Variants in AUTS2 observed in about 807,000 individuals in gnomAD.
AUTS2 encodes activator of transcription and developmental regulator AUTS2.
AUTS2 carries 17 observed loss-of-function variants against 112.4 expected under a neutral mutation model. That is an observed-to-expected ratio of 0.15 (90% CI 0.10 to 0.23). The LOEUF (loss-of-function observed/expected upper bound fraction) is 0.23, where lower values mean the gene tolerates loss of function less well. AUTS2 is among the 10% of genes least tolerant of loss of function. The probability of loss-of-function intolerance (pLI) is 1.00; values close to 1 mark genes in which losing one functional copy is unlikely to be tolerated. For missense variants in AUTS2, 1,510 were observed against 1,701.6 expected (o/e 0.89, Z 1.98); for synonymous variants, 751 against 702.7 (o/e 1.07, Z -1.09).
At chr7:70,660,763 A>G (rs11767503) in intron 5 of AUTS2, among the ~76,000 whole-genome samples, 1 of 152,106 alleles carries the variant, frequency 6.6e-6, no homozygotes, top group Non-Finnish European at 1.5e-5. Flanking sequence ...GGGCTTTGTC[A>G]TGCTATCGTT....
chr7:70,618,074 A>C (rs1293182938), intron 5 of AUTS2, among the ~76,000 whole-genome samples: 1 of 152,192 alleles, frequency 6.6e-6, no homozygotes, highest in Non-Finnish European at 1.5e-5. Flanking sequence ...CTCTGAGAAA[A>C]ATGAGTCTGT....
intron 2 of AUTS2, among the ~76,000 whole-genome samples, chr7:70,062,170 A>C (rs1168139171): frequency 6.6e-6 from 1 of 151,684 alleles, no homozygotes; most frequent in Admixed American, 6.6e-5. Flanking sequence ...AAATATTCTT[A>C]TTGTTGTTTT....
At chr7:69,989,108 C>G (rs1267340361) in intron 2 of AUTS2, among the ~76,000 whole-genome samples, 2 of 152,098 alleles carry the variant, frequency 1.3e-5, no homozygotes, top group African/African-American at 2.4e-5. Flanking sequence ...TGTTCATGGT[C>G]CTGTGGTCCC....
At chr7:70,345,736 T>C (rs897301880) in intron 4 of AUTS2, among the ~76,000 whole-genome samples, 1 of 152,218 alleles carries the variant, frequency 6.6e-6, no homozygotes, top group Non-Finnish European at 1.5e-5. Flanking sequence ...GCCAAGACTC[T>C]CATGACTTTC....
At chr7:70,417,153 A>T (rs1175253762) in intron 4 of AUTS2, among the ~76,000 whole-genome samples, 3 of 152,124 alleles carry the variant, frequency 2.0e-5, no homozygotes, top group South Asian at 2.1e-4. Context: ...CACATTTCCA[A>T]TGATTAAAAT....
chr7:69,862,712 G>T (rs1158187555), intron 1 of AUTS2, among the ~76,000 whole-genome samples: 2 of 152,076 alleles, frequency 1.3e-5, no homozygotes, highest in Admixed American at 6.5e-5. Flanking sequence ...AGATGGGCTG[G>T]TAGATCTGGG....
At chr7:69,769,146 A>G (rs1160124034) in intron 1 of AUTS2, among the ~76,000 whole-genome samples, 1 of 152,254 alleles carries the variant, frequency 6.6e-6, no homozygotes, top group Non-Finnish European at 1.5e-5. Flanking sequence ...ACATAGGCAT[A>G]CCCTTAACAT....
At chr7:70,053,734 G>C (rs1030555506) in intron 2 of AUTS2, among the ~76,000 whole-genome samples, 1 of 151,974 alleles carries the variant, frequency 6.6e-6, no homozygotes, top group Non-Finnish European at 1.5e-5. Flanking sequence ...TGTAAAGACA[G>C]GGTCTCTACT....
intron 2 of AUTS2, among the ~76,000 whole-genome samples, chr7:69,927,763 T>C (rs1013456663): frequency 6.6e-6 from 1 of 152,180 alleles, no homozygotes; most frequent in Non-Finnish European, 1.5e-5. Flanking sequence ...ACCGGCCCCA[T>C]GTGAGGCTGT....
intron 4 of AUTS2, among the ~76,000 whole-genome samples, chr7:70,140,433 G>C (rs1194796781): frequency 6.6e-6 from 1 of 152,124 alleles, no homozygotes; most frequent in Non-Finnish European, 1.5e-5. Context: ...GCTCTCCAGA[G>C]AACCTATCAC....
intron 4 of AUTS2, among the ~76,000 whole-genome samples, chr7:70,414,647 AAG>A (rs1335411832): frequency 6.6e-6 from 1 of 152,138 alleles, no homozygotes; most frequent in Non-Finnish European, 1.5e-5. Flanking sequence ...ACTGCCTAGA[AAG>A]AGAGAATATG....
intron 5 of AUTS2, among the ~76,000 whole-genome samples, chr7:70,696,794 A>C (rs906438451): frequency 2.0e-5 from 3 of 152,166 alleles, no homozygotes; most frequent in African/African-American, 7.2e-5. Flanking sequence ...TCTTGGGGCC[A>C]ATTAGAGTCA....
intron 5 of AUTS2, among the ~76,000 whole-genome samples, chr7:70,553,756 CTTTCTTTTTTTT>C (rs1801114906): frequency 1.0e-5 from 1 of 98,128 alleles, no homozygotes; most frequent in Non-Finnish European, 2.1e-5. Context: ...AGAGGCCTTT[CTTTCTTTTTTTT>C]TTTTTTTTTT....
At chr7:69,974,221 G>A (rs1797968063) in intron 2 of AUTS2, among the ~76,000 whole-genome samples, 1 of 151,374 alleles carries the variant, frequency 6.6e-6, no homozygotes, top group Admixed American at 6.6e-5. Flanking sequence ...GTGCAGAACT[G>A]TTGATAGTAT....
At chr7:70,027,542 C>G (rs1271439106) in intron 2 of AUTS2, among the ~76,000 whole-genome samples, 3 of 152,158 alleles carry the variant, frequency 2.0e-5, no homozygotes, top group Admixed American at 6.5e-5. Context: ...AATGCCTGAA[C>G]TAAACTTAAG....
intron 4 of AUTS2, among the ~76,000 whole-genome samples, chr7:70,337,027 A>T (rs1411941453): frequency 2.0e-5 from 3 of 152,204 alleles, no homozygotes; most frequent in Admixed American, 2.0e-4. Flanking sequence ...TTGAAGACTT[A>T]AAACTCAGCA....
chr7:69,791,387 C>G (rs1019526798), intron 1 of AUTS2, among the ~76,000 whole-genome samples: 6 of 152,280 alleles, frequency 3.9e-5, no homozygotes, highest in Middle Eastern at 3.4e-3. Context: ...AATTGAAAAA[C>G]ATGAGATTAA....
At chr7:69,995,997 C>A (rs997838592) in intron 2 of AUTS2, among the ~76,000 whole-genome samples, 1 of 152,164 alleles carries the variant, frequency 6.6e-6, no homozygotes, top group East Asian at 1.9e-4. Context: ...GAAGTACTTT[C>A]CAATAGAAGT....
chr7:70,049,239 C>T (rs1173937712), intron 2 of AUTS2, among the ~76,000 whole-genome samples: 1 of 152,100 alleles, frequency 6.6e-6, no homozygotes, highest in Non-Finnish European at 1.5e-5. Flanking sequence ...ATGAACAATC[C>T]AGTAGTGTTG....
Sources: gnomAD v4.1 joint callset for allele counts (sites outside exome capture counted in the v4.1 genomes callset) on GRCh38, gnomAD v4.1.1 for gene constraint, MANE v1.5 for transcripts, NCBI Gene and HGNC (gene_info 2026-07-23, HGNC 2026-07-21) for gene names.